The following TRAPPC6A variants were observed in gnomAD, a reference collection of about 807,000 sequenced individuals.
TRAPPC6A encodes the protein trafficking protein particle complex subunit 6A.
In TRAPPC6A, 25 loss-of-function variants were observed where a neutral mutation model predicts 20.8. The observed-to-expected ratio is 1.20, with a 90% CI of 0.88 to 1.68. The LOEUF (loss-of-function observed/expected upper bound fraction) is 1.68. Ranked by LOEUF, TRAPPC6A falls within the 40% of genes most tolerant of loss-of-function variation. The pLI is 0.00. For missense variants in TRAPPC6A, 215 were observed against 211.6 expected, an observed-to-expected ratio of 1.02 and a Z score of -0.10; for synonymous variants, 96 against 93.3, an observed-to-expected ratio of 1.03 and a Z score of -0.16.
Position 45,164,192 on chromosome 19 carries a change from C to T in TRAPPC6A, c.326G>A (p.Gly109Asp), listed in dbSNP as rs1969086747. 1.2e-6 allele frequency: 2 copies of T among 1,610,046 alleles called. No individual in the cohort carries two copies. Among genetic ancestry groups the T allele is most frequent in the Admixed American group, 1.7e-5 (1 of 59,482 alleles). The change falls in exon 4 of 6, where the codon GGC becomes GAC. Residue 109 changes from glycine to aspartate, a missense_variant. Transcript: ENST00000585934. ...SFPLLLPMAS[G>D]LQYLEEAPKF... ...GGGTGCTTCCTCCAGATACTGCAGG[C>T]CAGAGGCCATCGGGAGGAGGAGGGG...
At chr19:45,176,085 T>C (rs1969366681) in intron 1 of TRAPPC6A, among the ~76,000 whole-genome samples, 1 of 151,844 alleles carries the variant, frequency 6.6e-6, no homozygotes, top group Non-Finnish European at 1.5e-5. Flanking sequence ...CTTGAACTCC[T>C]GGGCCCAGGC....
At chr19:45,170,555 G>A (rs1303873634) in intron 1 of TRAPPC6A, among the ~76,000 whole-genome samples, 2 of 152,224 alleles carry the variant, frequency 1.3e-5, no homozygotes, top group African/African-American at 4.8e-5. Flanking sequence ...CGTGGAGTCT[G>A]AAGGGGTTCC....
At position 45,165,187 on chromosome 19, in the gene TRAPPC6A, T is replaced by A; in HGVS notation, c.92A>T (p.Lys31Met). ...HDPDPGPGGQ[K>M]MSLSVLEGMG... The stretch of plus-strand genomic sequence containing the variant: ...ACCCTCCAGGACCGACAGGCTCATC[T>A]TCTGTCCCTAGAAGGCCAGGGGAGA... Residue 31 changes from lysine (K) to methionine (M), a missense_variant, in exon 2 of 6, where the codon AAG becomes ATG. Lys to Met is a moderately conservative substitution (Grantham distance 95, BLOSUM62 -1). Transcript: ENST00000585934. The A allele has an allele frequency of 3.1e-6, 5 of 1,603,262 alleles. No homozygotes were observed. Among genetic ancestry groups the A allele is most frequent in the Non-Finnish European group, 4.3e-6 (5 of 1,175,274 alleles).
rs1446594596 is a variant in TRAPPC6A, at chr19:45,172,659, G to A, written c.84+5476C>T. Among the ~76,000 whole-genome samples, 2 of 151,650 alleles carry A rather than the reference G, an allele frequency of 1.3e-5. No individual in the cohort carries two copies. The highest frequency in any genetic ancestry group is 2.9e-5 in the Non-Finnish European group (2 of 68,004). Reference sequence around the variant, plus strand: ...CCTCCCTGGTCCAGCAAGGCATCCTGAGCAAGTCCAGATCCTGCCTCTGCC... The same window carrying A: ...CCTCCCTGGTCCAGCAAGGCATCCTAAGCAAGTCCAGATCCTGCCTCTGCC... On this transcript the variant is annotated intron_variant, in intron 1 of 5. Transcript: ENST00000585934. This position sits in a 1 kb window ranked among gnomAD's most constrained non-coding sequence, Gnocchi z 4.2.
chr19:45,166,671 G>A (rs778247793), intron 1 of TRAPPC6A, among the ~76,000 whole-genome samples: 14 of 152,196 alleles, frequency 9.2e-5, no homozygotes, highest in East Asian at 7.7e-4. Context: ...GAACAGAGGC[G>A]GCAGGTGTGC....
rs532823805 is a variant in TRAPPC6A, at chr19:45,165,617, G to T, written c.85-423C>A. Among the ~76,000 whole-genome samples, 8 of 152,370 alleles carry T rather than the reference G, an allele frequency of 5.3e-5. No individual in the cohort carries two copies. In the South Asian group the frequency reaches 1.7e-3, roughly 32 times the overall value. ...AAGATGCTCCAGGTGACCTGCCCAA[G>T]GGCTGGAGGCTGGGCCACAGGAAAG... On this transcript the variant is annotated intron_variant, in intron 1 of 5. Coordinates refer to ENST00000585934, the MANE Select transcript of TRAPPC6A (RefSeq NM_001270891.2).
chr19:45,177,814 A>G (rs1261334146), intron 1 of TRAPPC6A, among the ~76,000 whole-genome samples: 2 of 152,204 alleles, frequency 1.3e-5, no homozygotes, highest in African/African-American at 4.8e-5. Flanking sequence ...ACAAAGATTA[A>G]GTCATTGGGT....
At chr19:45,166,862 C>G (rs544128028) in intron 1 of TRAPPC6A, among the ~76,000 whole-genome samples, 6 of 152,278 alleles carry the variant, frequency 3.9e-5, no homozygotes, top group Admixed American at 2.6e-4. Flanking sequence ...AATGGGGATG[C>G]GAATTCTCTG....
chr19:45,168,000 T>C (rs1008573827), intron 1 of TRAPPC6A, among the ~76,000 whole-genome samples: 2 of 135,996 alleles, frequency 1.5e-5, no homozygotes, highest in Admixed American at 7.1e-5. Flanking sequence ...TGTCTTTTTT[T>C]TTTTTTTTTT....
At position 45,164,216 on chromosome 19, in the gene TRAPPC6A, G is replaced by A; in HGVS notation, c.302C>T (p.Pro101Leu). ...GTYVLQDNSF[P>L]LLLPMASGLQ... ...GCCAGAGGCCATCGGGAGGAGGAGG[G>A]GGAAGCTGTTGTCTTGCAGGACGTA... is the stretch of plus-strand genomic sequence containing the variant. The change falls in exon 4 of 6, where the codon CCC becomes CTC. Residue 101 changes from proline (P) to leucine (L), a missense_variant. Transcript: ENST00000585934. 2 of 1,609,978 alleles carry A rather than the reference G, an allele frequency of 1.2e-6. No individual in the cohort carries two copies. Among genetic ancestry groups the A allele is most frequent in the Non-Finnish European group, 1.7e-6 (2 of 1,177,846 alleles).
intron 1 of TRAPPC6A, among the ~76,000 whole-genome samples, chr19:45,166,769 C>T (rs1969162673): frequency 1.3e-5 from 2 of 152,164 alleles, no homozygotes; most frequent in South Asian, 4.1e-4. Context: ...CCCTCCCTCT[C>T]CTGCCCTTGA....
chr19:45,177,184 C>CGT lies in TRAPPC6A; in HGVS notation c.84+949_84+950dup, dbSNP rs1555751009. ...AGCCTGGGCGACCGAGCAGGATGCG[C>CGT]GTGCGCGCACACACACACACACACA... On this transcript the variant is annotated intron_variant, in intron 1 of 5. Transcript: ENST00000585934. 2.9e-3 allele frequency among the ~76,000 whole-genome samples: 343 copies of CGT among 119,932 alleles called. 3 individuals carry two copies. The highest frequency in any genetic ancestry group is 0.013 in the African/African-American group (323 of 25,416). The allele number at this position is 119,932 out of a possible 152,430, so 78.7% of individuals were successfully genotyped here. A position where few individuals can be genotyped will look rare whatever the true frequency, so the allele number is the denominator to read the frequency against.
At chr19:45,176,993 C>T (rs369919992) in intron 1 of TRAPPC6A, among the ~76,000 whole-genome samples, 4 of 151,232 alleles carry the variant, frequency 2.6e-5, no homozygotes, top group Non-Finnish European at 4.4e-5. Context: ...AGTGAAAACC[C>T]GTCTCTACTA....
chr19:45,176,263 C>T (rs1969371369), intron 1 of TRAPPC6A, among the ~76,000 whole-genome samples: 1 of 151,196 alleles, frequency 6.6e-6, no homozygotes, highest in Non-Finnish European at 1.5e-5. Context: ...ACCATCCTGG[C>T]TAACATGGTG....
At chr19:45,177,344 C>CT (rs902126597) in intron 1 of TRAPPC6A, among the ~76,000 whole-genome samples, 273 of 147,178 alleles carry the variant, frequency 1.9e-3, no homozygotes, top group African/African-American at 4.5e-3. Context: ...CCCATTATCT[C>CT]TTTTTTTTTT....
chr19:45,163,306 C>T lies in TRAPPC6A; in HGVS notation c.449-83G>A, dbSNP rs377082367. 5.6e-5 allele frequency: 82 copies of T among 1,466,814 alleles called. No homozygotes were observed. The East Asian group carries it at 6.0e-4, about 11-fold the overall frequency. The allele number at this position is 1,466,814 out of a possible 1,614,324, so 90.9% of individuals were successfully genotyped here. A position where few individuals can be genotyped will look rare whatever the true frequency, so the allele number is the denominator to read the frequency against. Reference sequence around the variant, plus strand: ...TGGACGGCTCTTAGGCGCTCACCCCCGTCCTGCACTGACACCCCAGTGGCT... The same window carrying T: ...TGGACGGCTCTTAGGCGCTCACCCCTGTCCTGCACTGACACCCCAGTGGCT... On this transcript the variant is annotated intron_variant, in intron 5 of 5. Transcript: ENST00000585934. The surrounding 1 kb of genome is among the most constrained non-coding windows in gnomAD (Gnocchi z 5.3).
chr19:45,174,967 A>C (rs2122858006), intron 1 of TRAPPC6A, among the ~76,000 whole-genome samples: 1 of 149,712 alleles, frequency 6.7e-6, no homozygotes, highest in East Asian at 2.0e-4. Context: ...AAAAATACAA[A>C]AAAAAAAAAA....
intron 4 of TRAPPC6A, 58 bp downstream of exon 4, chr19:45,164,106 T>C: frequency 6.4e-7 from 1 of 1,558,242 alleles, no homozygotes; most frequent in Non-Finnish European, 8.7e-7. Context: ...TGATGTGGGA[T>C]GGGGCTGGGT....
At chr19:45,166,466 C>A (rs1969154675) in intron 1 of TRAPPC6A, among the ~76,000 whole-genome samples, 1 of 150,770 alleles carries the variant, frequency 6.6e-6, no homozygotes, top group Non-Finnish European at 1.5e-5. Context: ...GCCTTGGCCT[C>A]CCAAAGTGCT....
Sources: allele counts gnomAD v4.1 joint callset (sites outside exome capture counted in the v4.1 genomes callset), GRCh38; gene constraint gnomAD v4.1.1; non-coding constraint Gnocchi (gnomAD v3.1); transcripts MANE v1.5; gene names NCBI Gene and HGNC (gene_info 2026-07-23, HGNC 2026-07-21).